Variants in GLI2 observed in about 807,000 individuals in gnomAD.
The protein encoded by GLI2 is GLI family zinc finger 2, also known as transcription activator GLI2.
A neutral mutation model predicts 78.9 loss-of-function variants in GLI2; 22 were observed. The ratio of observed to expected loss-of-function variants is 0.28; its 90% CI spans 0.20 to 0.40. The LOEUF (loss-of-function observed/expected upper bound fraction) is 0.40, where lower values mean the gene tolerates loss of function less well. GLI2 is among the 10% of genes least tolerant of loss of function. The pLI is 1.00. For missense variants in GLI2, 2,097 were observed against 2,213.2 expected, an observed-to-expected ratio of 0.95 and a Z score of 1.05; for synonymous variants, 974 against 963.7, an observed-to-expected ratio of 1.01 and a Z score of -0.20.
At position 120,992,168 on chromosome 2, in the gene GLI2, G is replaced by A. The variant is rs955930284; in HGVS notation, c.*1493G>A. 1 of 152,556 alleles carries A rather than the reference G, an allele frequency of 6.6e-6. No individual in the cohort carries two copies. The highest frequency in any genetic ancestry group is 1.5e-5 in the Non-Finnish European group (1 of 68,032). The allele number at this position is 152,556 out of a possible 1,614,324, so 9.5% of individuals were successfully genotyped here. A position where few individuals can be genotyped will look rare whatever the true frequency, so the allele number is the denominator to read the frequency against. Reference sequence around the variant, plus strand: ...ACTTCTTAGGAGAGTTTGAGGACAAGGCCAACATCGTCATCTGGGCTCGCT... The same window carrying A: ...ACTTCTTAGGAGAGTTTGAGGACAAAGCCAACATCGTCATCTGGGCTCGCT... On this transcript the variant is annotated 3_prime_UTR_variant, in exon 14 of 14. Coordinates refer to ENST00000361492, the MANE Select transcript of GLI2 (RefSeq NM_001374353.1).
At chr2:120,923,736 A>G (rs908815550) in intron 2 of GLI2, among the ~76,000 whole-genome samples, 2 of 152,128 alleles carry the variant, frequency 1.3e-5, no homozygotes, top group Admixed American at 1.3e-4. Context: ...ACGACACACT[A>G]CACACATACA....
At position 120,768,826 on chromosome 2, in the gene GLI2, T is replaced by TGTGTGTGC. The variant is rs1007722814; in HGVS notation, c.-30-28462_-30-28461insTGTGCGTG. Reference sequence around the variant, plus strand: ...GTGTGTGTGTGTGTGTGTGTGTGTGTGTGCGTGTGTGTGCACCCTGCCCCA... The same window carrying TGTGTGTGC: ...GTGTGTGTGTGTGTGTGTGTGTGTGTGTGTGTGCGTGCGTGTGTGTGCACCCTGCCCCA... On this transcript the variant is annotated intron_variant, in intron 1 of 13. Coordinates refer to ENST00000361492, the MANE Select transcript of GLI2 (RefSeq NM_001374353.1). Among the ~76,000 whole-genome samples the TGTGTGTGC allele has an allele frequency of 3.1e-3, 472 of 151,360 alleles. 1 individual carries two copies. The highest frequency in any genetic ancestry group is 0.011 in the African/African-American group (448 of 40,806).
At chr2:120,754,447 C>A (rs1018058319) in intron 1 of GLI2, among the ~76,000 whole-genome samples, 2 of 152,208 alleles carry the variant, frequency 1.3e-5, no homozygotes, top group East Asian at 3.9e-4. Context: ...CCCACCCCAC[C>A]CCCTGGCCTT....
intron 5 of GLI2, among the ~76,000 whole-genome samples, chr2:120,957,168 C>T (rs985085870): frequency 1.3e-5 from 2 of 152,182 alleles, no homozygotes; most frequent in South Asian, 2.1e-4. Flanking sequence ...ATATGGTCCT[C>T]GCCAGGCCCT....
intron 1 of GLI2, among the ~76,000 whole-genome samples, chr2:120,776,312 C>T (rs1425028460): frequency 6.6e-6 from 1 of 152,214 alleles, no homozygotes; most frequent in Non-Finnish European, 1.5e-5. Flanking sequence ...GCTTTGGAAC[C>T]CAGCTCCTGA....
At chr2:120,980,719 C>G (rs1000749392) in intron 10 of GLI2, among the ~76,000 whole-genome samples, 2 of 151,960 alleles carry the variant, frequency 1.3e-5, no homozygotes, top group Non-Finnish European at 2.9e-5. Context: ...AAATTTACCT[C>G]TATGTTTTCT....
At position 120,988,218 on chromosome 2, in the gene GLI2, G is replaced by A. The variant is rs140033553; in HGVS notation, c.2253G>A (p.Leu751=). 22 of 1,591,816 alleles carry A rather than the reference G, an allele frequency of 1.4e-5. No individual in the cohort carries two copies. The highest frequency in any genetic ancestry group is 5.4e-5 in the African/African-American group (4 of 73,444). The part of the protein sequence containing the change: ...LPPLPGSGSI[L]ENFSGSGGGG... ...TCTGCTCTCCCGCAGGCTCCATCCT[G>A]GAAAACTTCAGTGGCAGTGGGGGCG... The change falls in exon 14 of 14, where the codon CTG becomes CTA. Residue 751 remains leucine (L), a synonymous_variant. Transcript: ENST00000361492.
intron 2 of GLI2, among the ~76,000 whole-genome samples, chr2:120,869,622 A>G (rs1688327268): frequency 6.6e-6 from 1 of 152,254 alleles, no homozygotes; most frequent in African/African-American, 2.4e-5. Flanking sequence ...ATAGTCATCA[A>G]TCACCAGGCA....
At chr2:120,803,602 C>T (rs1053590160) in intron 2 of GLI2, among the ~76,000 whole-genome samples, 3 of 152,072 alleles carry the variant, frequency 2.0e-5, no homozygotes, top group African/African-American at 7.2e-5. Context: ...ACCTGGGTGC[C>T]TGTCCCACTT....
At chr2:120,738,273 C>A (rs540263827) in intron 1 of GLI2, among the ~76,000 whole-genome samples, 3 of 152,204 alleles carry the variant, frequency 2.0e-5, no homozygotes, top group Non-Finnish European at 4.4e-5. Flanking sequence ...CTTCTTGTGC[C>A]TCTTTCTTCA....
intron 2 of GLI2, among the ~76,000 whole-genome samples, chr2:120,870,804 A>G (rs569452329): frequency 2.6e-5 from 4 of 152,268 alleles, no homozygotes; most frequent in Non-Finnish European, 5.9e-5. Context: ...CTCTTCTGTG[A>G]TATGAGAGAC....
chr2:120,742,100 G>A (rs989946755), intron 1 of GLI2, among the ~76,000 whole-genome samples: 33 of 152,354 alleles, frequency 2.2e-4, no homozygotes, highest in African/African-American at 6.7e-4. Context: ...CGGGAGCCGG[G>A]AAGAGAGAGG....
At chr2:120,823,094 G>A (rs993849321) in intron 2 of GLI2, among the ~76,000 whole-genome samples, 8 of 152,110 alleles carry the variant, frequency 5.3e-5, no homozygotes, top group South Asian at 2.1e-4. Flanking sequence ...CCCGCCACCC[G>A]GCTGTGTGTT....
At chr2:120,895,849 T>A (rs961147771) in intron 2 of GLI2, among the ~76,000 whole-genome samples, 6 of 152,260 alleles carry the variant, frequency 3.9e-5, no homozygotes, top group South Asian at 4.1e-4. Context: ...TGCCTCTTTT[T>A]AAAAGGAAAG....
chr2:120,840,792 G>A (rs1236506821), intron 2 of GLI2, among the ~76,000 whole-genome samples: 1 of 152,164 alleles, frequency 6.6e-6, no homozygotes, highest in Non-Finnish European at 1.5e-5. Context: ...CGATCCCATG[G>A]CCTTTGCACG....
intron 1 of GLI2, among the ~76,000 whole-genome samples, chr2:120,753,725 C>T (rs1682948815): frequency 6.6e-6 from 1 of 151,898 alleles, no homozygotes; most frequent in Admixed American, 6.6e-5. Context: ...GGTGAAACCC[C>T]GTCTCTACTA....
intron 1 of GLI2, among the ~76,000 whole-genome samples, chr2:120,750,572 G>C (rs1163710224): frequency 6.6e-6 from 1 of 152,260 alleles, no homozygotes; most frequent in Non-Finnish European, 1.5e-5. Context: ...TAAGCACACA[G>C]TACATCTTGG....
At chr2:120,976,884 G>A (rs1467660470) in intron 9 of GLI2, among the ~76,000 whole-genome samples, 3 of 152,228 alleles carry the variant, frequency 2.0e-5, no homozygotes, top group South Asian at 2.1e-4. Flanking sequence ...GCGCACAGGC[G>A]AGCTGGAGCC....
chr2:120,876,064 G>A (rs910032786), intron 2 of GLI2, among the ~76,000 whole-genome samples: 14 of 152,188 alleles, frequency 9.2e-5, no homozygotes, highest in African/African-American at 2.9e-4. Context: ...AATGCAGGCC[G>A]GGTGCGGTGG....
Sources: allele counts gnomAD v4.1 joint callset (sites outside exome capture counted in the v4.1 genomes callset), GRCh38; gene constraint gnomAD v4.1.1; transcripts MANE v1.5; gene names NCBI Gene and HGNC (gene_info 2026-07-23, HGNC 2026-07-21).